The following ADGRG6 variants were observed in gnomAD, a reference collection of about 807,000 sequenced individuals.
ADGRG6 encodes the protein adhesion G protein-coupled receptor G6.
In ADGRG6, 84 loss-of-function variants were observed where a neutral mutation model predicts 142.4. That is an observed-to-expected ratio of 0.59 (90% CI 0.49 to 0.71). The LOEUF (loss-of-function observed/expected upper bound fraction) is 0.71. Among genes scored for constraint, ADGRG6 ranks in the 30% least tolerant of loss-of-function variants. The pLI is 0.00. For missense variants in ADGRG6, 1,367 were observed against 1,466.6 expected (o/e 0.93, Z 1.11); for synonymous variants, 521 against 520.5 (o/e 1.00, Z -0.01).
intron 2 of ADGRG6, among the ~76,000 whole-genome samples, chr6:142,333,544 C>T (rs1192278273): frequency 6.6e-6 from 1 of 152,114 alleles, no homozygotes; most frequent in African/African-American, 2.4e-5. Flanking sequence ...GATATAAGGT[C>T]TCACTGTGTT....
Position 142,417,305 on chromosome 6 carries a change from G to T in ADGRG6, c.2971G>T (p.Ala991Ser). 1 of 1,604,604 alleles carries T rather than the reference G, an allele frequency of 6.2e-7. No homozygotes were observed. The highest frequency in any genetic ancestry group is 8.5e-7 in the Non-Finnish European group (1 of 1,172,722). Residue 991 changes from alanine to serine, a missense_variant, in exon 21 of 25, where the codon GCG becomes TCG. By Grantham distance (99) the Ala-to-Ser change is moderately conservative. Coordinates refer to ENST00000367609, the MANE Select transcript of ADGRG6 (RefSeq NM_198569.3). ...TGCCTTAGTGGTGTCAGTTGTTCTA[G>T]CGAGCAGAAACAACAATGAAGTCTA... The part of the protein sequence containing the change: ...LPALVVSVVL[A>S]SRNNNEVYGK...
At chr6:142,341,503 G>T (rs1779633381) in intron 2 of ADGRG6, among the ~76,000 whole-genome samples, 2 of 109,582 alleles carry the variant, frequency 1.8e-5, no homozygotes, top group African/African-American at 3.6e-5. Context: ...ATATTATATA[G>T]TATATATACT....
chr6:142,408,145 A>G lies in ADGRG6; in HGVS notation c.2269-5A>G. On this transcript the variant is annotated splice_polypyrimidine_tract_variant and splice_region_variant and intron_variant, in intron 15 of 24. Transcript: ENST00000367609. ...TGATACACGCGATTTTTTTTTCTTT[A>G]AAAGGATGTAGGACCCCAAAGAAAA... is the stretch of plus-strand genomic sequence containing the variant. The G allele has an allele frequency of 6.4e-7, 1 of 1,550,736 alleles. No individual in the cohort carries two copies. The highest frequency in any genetic ancestry group is 8.7e-7 in the Non-Finnish European group (1 of 1,146,932).
At chr6:142,438,190 G>C in intron 23 of ADGRG6, 22 bp from the exon 24 acceptor site, 1 of 1,532,004 alleles carries the variant, frequency 6.5e-7, no homozygotes, top group Non-Finnish European at 8.9e-7. Context: ...GATTGATAGG[G>C]TGATGTCATT....
chr6:142,302,449 C>G lies in ADGRG6; in HGVS notation c.2+118C>G, dbSNP rs1777271712. On this transcript the variant is annotated intron_variant, in intron 1 of 24. Coordinates refer to ENST00000367609, the MANE Select transcript of ADGRG6 (RefSeq NM_198569.3). ...AATGATTTTATAAGGACTTCAACTG[C>G]ACGGAGGGAATAAACCGGTTTGTCT... 1.1e-5 allele frequency: 12 copies of G among 1,065,060 alleles called. No individual in the cohort carries two copies. The East Asian group carries it at 3.1e-4, about 28-fold the overall frequency. 66.0% of individuals were successfully genotyped at this position (1,065,060 alleles called of 1,614,324 possible).
chr6:142,338,063 C>G (rs1177213025), intron 2 of ADGRG6, among the ~76,000 whole-genome samples: 1 of 69,846 alleles, frequency 1.4e-5, no homozygotes, highest in Non-Finnish European at 2.7e-5. Context: ...CTCTGTCACC[C>G]AGGCTGGAGT....
At chr6:142,357,546 C>T (rs958422590) in intron 2 of ADGRG6, among the ~76,000 whole-genome samples, 10 of 152,152 alleles carry the variant, frequency 6.6e-5, no homozygotes, top group Non-Finnish European at 1.0e-4. Flanking sequence ...TTGCTTTGCT[C>T]CAAACCTTGG....
intron 9 of ADGRG6, among the ~76,000 whole-genome samples, chr6:142,396,442 A>G (rs916094758): frequency 2.0e-5 from 3 of 152,188 alleles, no homozygotes; most frequent in African/African-American, 7.2e-5. Context: ...ACAGATATTT[A>G]GGAAAGAAAA....
intron 14 of ADGRG6, among the ~76,000 whole-genome samples, chr6:142,404,802 C>T (rs982364377): frequency 1.3e-5 from 2 of 152,132 alleles, no homozygotes. Context: ...GTCTAAGGAT[C>T]ATACTTTGAG....
chr6:142,318,530 G>T (rs564511681), intron 2 of ADGRG6, among the ~76,000 whole-genome samples: 3 of 146,998 alleles, frequency 2.0e-5, no homozygotes, highest in African/African-American at 5.0e-5. Flanking sequence ...GGAGACTAAC[G>T]TGAGAAAAAA....
chr6:142,357,293 C>A (rs1165778017), intron 2 of ADGRG6, among the ~76,000 whole-genome samples: 1 of 152,000 alleles, frequency 6.6e-6, no homozygotes, highest in Non-Finnish European at 1.5e-5. Context: ...TACCTGAGAT[C>A]TATATGAAAA....
chr6:142,398,207 C>T (rs1458793298), intron 10 of ADGRG6, among the ~76,000 whole-genome samples: 1 of 152,144 alleles, frequency 6.6e-6, no homozygotes, highest in Non-Finnish European at 1.5e-5. Flanking sequence ...TGGAGAATAA[C>T]TTGAGCCCAG....
chr6:142,342,921 C>T (rs185833190), intron 2 of ADGRG6, among the ~76,000 whole-genome samples: 9 of 151,732 alleles, frequency 5.9e-5, no homozygotes, highest in Middle Eastern at 3.5e-3. Flanking sequence ...CTGATTTACT[C>T]ATGTTATTAT....
At chr6:142,343,229 C>G (rs1488493002) in intron 2 of ADGRG6, among the ~76,000 whole-genome samples, 2 of 151,488 alleles carry the variant, frequency 1.3e-5, no homozygotes, top group South Asian at 4.2e-4. Flanking sequence ...ATATTCATGA[C>G]AAACTTAAAT....
intron 22 of ADGRG6, among the ~76,000 whole-genome samples, chr6:142,422,516 A>G (rs1304358973): frequency 6.6e-6 from 1 of 152,214 alleles, no homozygotes. Context: ...ATGGCTGCAT[A>G]GTACTCCATG....
chr6:142,397,507 C>A, intron 9 of ADGRG6, 106 bp from the exon 10 acceptor site: 1 of 953,926 alleles, frequency 1.0e-6, no homozygotes, highest in Non-Finnish European at 1.6e-6. Flanking sequence ...TCTTCAGTCT[C>A]AACAGGTGAT....
chr6:142,403,596 C>T (rs1317017296), intron 13 of ADGRG6, among the ~76,000 whole-genome samples: 1 of 152,132 alleles, frequency 6.6e-6, no homozygotes. Context: ...GCAGATATTT[C>T]TCTTGAGGAT....
intron 2 of ADGRG6, among the ~76,000 whole-genome samples, chr6:142,330,378 C>T (rs972818437): frequency 1.6e-4 from 24 of 152,070 alleles, no homozygotes; most frequent in Non-Finnish European, 2.5e-4. Context: ...AAAAAAAATT[C>T]GGTGGTGAAA....
rs1314290573 is a variant in ADGRG6 at position 142,403,007 on chromosome 6, GT to G, written c.1955+188del. On this transcript the variant is annotated intron_variant, in intron 13 of 24. Coordinates refer to ENST00000367609, the MANE Select transcript of ADGRG6 (RefSeq NM_198569.3). ...CAACATGAACTTAAAAGTTCTGTGT[GT>G]TTTTTTTTTTGAGAAATACAATTTA... 0.015 allele frequency among the ~76,000 whole-genome samples: 2,185 copies of G among 144,390 alleles called. 51 individuals are homozygous for G. The highest frequency in any genetic ancestry group is 0.05 in the African/African-American group (2,007 of 39,822). 94.7% of individuals were successfully genotyped at this position (144,390 alleles called of 152,430 possible).
Sources: gnomAD v4.1 joint callset for allele counts (sites outside exome capture counted in the v4.1 genomes callset) on GRCh38, gnomAD v4.1.1 for gene constraint, MANE v1.5 for transcripts, NCBI Gene and HGNC (gene_info 2026-07-23, HGNC 2026-07-21) for gene names.